The following GRM5 variants were observed in gnomAD, a reference collection of about 807,000 sequenced individuals.
GRM5 encodes the protein metabotropic glutamate receptor 5.
Under a neutral mutation model 83.1 loss-of-function variants are expected in GRM5, and 19 were observed. That is an observed-to-expected ratio of 0.23 (90% CI 0.16 to 0.34). The LOEUF is 0.34. GRM5 is among the 10% of genes least tolerant of loss of function. GRM5 has a pLI of 1.00. For missense variants in GRM5, 1,160 were observed against 1,588.3 expected (o/e 0.73, Z 4.58); for synonymous variants, 675 against 633.6 (o/e 1.07, Z -0.98).
chr11:88,931,990 A>G (rs1318717468), intron 2 of GRM5, among the ~76,000 whole-genome samples: 2 of 152,120 alleles, frequency 1.3e-5, no homozygotes, highest in Non-Finnish European at 2.9e-5. Context: ...TCCATAAATA[A>G]AATAAACCTG....
intron 3 of GRM5, among the ~76,000 whole-genome samples, chr11:88,663,114 A>T (rs562448211): frequency 6.6e-6 from 1 of 152,338 alleles, no homozygotes; most frequent in South Asian, 2.1e-4. Context: ...TTGGAAGGCC[A>T]ATGCCTGTTA....
chr11:88,794,368 T>C (rs890297786), intron 3 of GRM5, among the ~76,000 whole-genome samples: 2 of 152,220 alleles, frequency 1.3e-5, no homozygotes, highest in Admixed American at 6.5e-5. Flanking sequence ...CTTTTTGTTC[T>C]TATCAATCTG....
At chr11:89,032,611 G>T (rs11018434) in intron 2 of GRM5, among the ~76,000 whole-genome samples, 1 of 151,736 alleles carries the variant, frequency 6.6e-6, no homozygotes, top group African/African-American at 2.4e-5. Flanking sequence ...TGTGTGCCAA[G>T]TATTACGCTA....
chr11:88,663,444 C>T (rs1939957040), intron 3 of GRM5, among the ~76,000 whole-genome samples: 1 of 152,052 alleles, frequency 6.6e-6, no homozygotes, highest in Admixed American at 6.6e-5. Context: ...CATATTATAG[C>T]CATTTGGAGA....
chr11:88,880,291 A>C (rs985742620), intron 2 of GRM5, among the ~76,000 whole-genome samples: 1 of 152,210 alleles, frequency 6.6e-6, no homozygotes, highest in African/African-American at 2.4e-5. Context: ...TAGGTAGAGC[A>C]CATGAATAAA....
At chr11:89,007,890 CAT>C (rs1307114394) in intron 2 of GRM5, among the ~76,000 whole-genome samples, 4 of 152,196 alleles carry the variant, frequency 2.6e-5, no homozygotes, top group Non-Finnish European at 5.9e-5. Context: ...AATAATTTCA[CAT>C]GATTGGTGAA....
intron 2 of GRM5, among the ~76,000 whole-genome samples, chr11:88,926,945 TAACA>T (rs1484416589): frequency 5.3e-5 from 8 of 152,288 alleles, no homozygotes; most frequent in Non-Finnish European, 1.2e-4. Flanking sequence ...ACTATTTAAC[TAACA>T]GTTAAATATT....
At chr11:88,978,473 T>TAAAAAAAAAA (rs1565317795) in intron 2 of GRM5, among the ~76,000 whole-genome samples, 1 of 56,818 alleles carries the variant, frequency 1.8e-5, no homozygotes, top group African/African-American at 6.6e-5. Flanking sequence ...GCAGATGAGC[T>TAAAAAAAAAA]TAAAAAAAAA....
chr11:88,989,146 A>T (rs1282569325), intron 2 of GRM5, among the ~76,000 whole-genome samples: 1 of 149,700 alleles, frequency 6.7e-6, no homozygotes, highest in Non-Finnish European at 1.5e-5. Flanking sequence ...CATAGGCTCA[A>T]AATAAAAGGA....
At chr11:88,810,831 G>T (rs1476656856) in intron 3 of GRM5, among the ~76,000 whole-genome samples, 1 of 152,104 alleles carries the variant, frequency 6.6e-6, no homozygotes, top group Non-Finnish European at 1.5e-5. Flanking sequence ...TATGTCCAAA[G>T]AGGAAGTCAA....
chr11:88,676,761 T>C (rs1359826354), intron 3 of GRM5, among the ~76,000 whole-genome samples: 1 of 152,068 alleles, frequency 6.6e-6, no homozygotes, highest in Non-Finnish European at 1.5e-5. Context: ...GTGAAAATTA[T>C]AGTCTTGATA....
intron 4 of GRM5, among the ~76,000 whole-genome samples, chr11:88,609,517 T>C (rs547767017): frequency 8.7e-4 from 133 of 152,344 alleles, no homozygotes; most frequent in African/African-American, 3.0e-3. Flanking sequence ...AGTGCTTTTC[T>C]CTTGGGTATA....
chr11:88,650,706 T>A (rs962922844), intron 4 of GRM5, among the ~76,000 whole-genome samples: 1 of 152,084 alleles, frequency 6.6e-6, no homozygotes, highest in Non-Finnish European at 1.5e-5. Flanking sequence ...ATAATTATTT[T>A]CCTTGTATCT....
At chr11:88,770,907 C>T (rs1276407846) in intron 3 of GRM5, among the ~76,000 whole-genome samples, 1 of 152,034 alleles carries the variant, frequency 6.6e-6, no homozygotes, top group Admixed American at 6.6e-5. Flanking sequence ...AGAATGGATT[C>T]CTGGACAGAT....
In GRM5 at chr11:88,987,039, C is replaced by T. The variant is rs568316025; in HGVS notation, c.661+60173G>A. ...GCCGAATAGGAACAGCTCCGGTCTA[C>T]AGCTCCCAGCGTGAGCAAGGCAGAA... On this transcript the variant is annotated intron_variant, in intron 2 of 9. Transcript: ENST00000305447. Among the ~76,000 whole-genome samples the T allele has an allele frequency of 5.3e-4, 81 of 152,180 alleles. 1 individual carries two copies. The highest frequency in any genetic ancestry group is 1.8e-3 in the African/African-American group (73 of 41,558).
At chr11:89,020,711 T>G (rs1194181993) in intron 2 of GRM5, among the ~76,000 whole-genome samples, 2 of 152,230 alleles carry the variant, frequency 1.3e-5, no homozygotes, top group Non-Finnish European at 2.9e-5. Flanking sequence ...ATTATCCCTG[T>G]GAGACCATTC....
At chr11:88,522,060 G>A (rs1394794414) in intron 9 of GRM5, among the ~76,000 whole-genome samples, 1 of 152,090 alleles carries the variant, frequency 6.6e-6, no homozygotes, top group Non-Finnish European at 1.5e-5. Context: ...GGTTTTCTGT[G>A]GTTGTTTGAG....
At chr11:88,916,069 ATTC>A (rs1945585635) in intron 2 of GRM5, among the ~76,000 whole-genome samples, 1 of 152,204 alleles carries the variant, frequency 6.6e-6, no homozygotes, top group Admixed American at 6.5e-5. Context: ...TGTGCCATTT[ATTC>A]TTCTTAATTA....
chr11:88,547,139 C>T (rs1376243124), intron 8 of GRM5, among the ~76,000 whole-genome samples: 3 of 152,104 alleles, frequency 2.0e-5, no homozygotes, highest in Non-Finnish European at 2.9e-5. Context: ...AACATGATTG[C>T]ATTTTCAGAG....
Sources: gnomAD v4.1 joint callset for allele counts (sites outside exome capture counted in the v4.1 genomes callset) on GRCh38, gnomAD v4.1.1 for gene constraint, MANE v1.5 for transcripts, NCBI Gene and HGNC (gene_info 2026-07-23, HGNC 2026-07-21) for gene names.